Variants in LARP7 observed in about 807,000 individuals in gnomAD.
LARP7 encodes the protein La ribonucleoprotein 7, transcriptional regulator.
In LARP7, 52 loss-of-function variants were observed where a neutral mutation model predicts 69.3. The observed-to-expected ratio is 0.75, with a 90% CI of 0.60 to 0.95. The LOEUF is 0.95. Ranked by LOEUF, LARP7 falls within the 40% of genes least tolerant of loss-of-function variation. The pLI is 0.00. For missense variants in LARP7, 733 were observed against 673.0 expected (o/e 1.09, Z -0.99); for synonymous variants, 254 against 215.9 (o/e 1.18, Z -1.55).
At position 112,647,476 on chromosome 4, in the gene LARP7, C is replaced by T; in HGVS notation, c.924C>T (p.Pro308=). ...CTGAAGATGCAGAATCCCTAGCTCC[C>T]CGATCAAAAGTAAAGAAAATTATTC... ...SSSEDAESLA[P]RSKVKKIIQK... The change falls in exon 7 of 13, where the codon CCC becomes CCT. Residue 308 remains proline, a synonymous_variant. Coordinates refer to ENST00000344442, the MANE Select transcript of LARP7 (RefSeq NM_016648.4). The T allele has an allele frequency of 6.2e-7, 1 of 1,613,514 alleles. No individual in the cohort carries two copies. The highest frequency in any genetic ancestry group is 8.5e-7 in the Non-Finnish European group (1 of 1,179,778).
chr4:112,656,851 A>G (rs937733444), intron 12 of LARP7, among the ~76,000 whole-genome samples: 1 of 152,206 alleles, frequency 6.6e-6, no homozygotes, highest in African/African-American at 2.4e-5. Flanking sequence ...ATTAGAATCT[A>G]TATTTTTTAG....
chr4:112,638,757 CTG>C (rs770818357), intron 1 of LARP7, among the ~76,000 whole-genome samples: 29 of 152,346 alleles, frequency 1.9e-4, no homozygotes, highest in Non-Finnish European at 2.6e-4. Context: ...ACTCACCTGA[CTG>C]TGCATTTCTC....
intron 10 of LARP7, among the ~76,000 whole-genome samples, chr4:112,651,047 A>G (rs2048708423): frequency 6.6e-6 from 1 of 152,202 alleles, no homozygotes; most frequent in Admixed American, 6.5e-5. Flanking sequence ...TATCTTCTGT[A>G]GCCTTTTATA....
At position 112,647,563 on chromosome 4, in the gene LARP7, G is replaced by A. The variant is rs200443782; in HGVS notation, c.997+14G>A. 142 of 1,508,904 alleles carry A rather than the reference G, an allele frequency of 9.4e-5. No homozygotes were observed. In the African/African-American group the frequency reaches 1.6e-3, roughly 17 times the overall value. The allele number at this position is 1,508,904 out of a possible 1,614,324, so 93.5% of individuals were successfully genotyped here. Reference sequence around the variant, plus strand: ...AGGAAAATAGAGGTAAAACTACAAGGTTTTAATTAGATAAAACTAATTAAT... The same window carrying A: ...AGGAAAATAGAGGTAAAACTACAAGATTTTAATTAGATAAAACTAATTAAT... On this transcript the variant is annotated intron_variant, in intron 7 of 12. Coordinates refer to ENST00000344442, the MANE Select transcript of LARP7 (RefSeq NM_016648.4).
At position 112,657,378 on chromosome 4, in the gene LARP7, T is replaced by C. The variant is rs771608819; in HGVS notation, c.*51T>C. 2.2e-6 allele frequency: 2 copies of C among 909,866 alleles called. No homozygotes were observed. Among genetic ancestry groups the C allele is most frequent in the Admixed American group, 2.9e-5 (1 of 34,056 alleles). 56.4% of individuals were successfully genotyped at this position (909,866 alleles called of 1,614,324 possible). A position where few individuals can be genotyped will look rare whatever the true frequency, so the allele number is the denominator to read the frequency against. ...ACTTCACAAGATACTTGAGCTGTTC[T>C]TGGGAGATTCACTTTTATTATGGTA... is the stretch of plus-strand genomic sequence containing the variant. On this transcript the variant is annotated 3_prime_UTR_variant, in exon 13 of 13. Transcript: ENST00000344442.
chr4:112,646,492 T>A lies in LARP7; in HGVS notation c.303+41T>A, dbSNP rs536015391. ...AACTACTGTTTATATTTATAGTTTATAATTATAAAGAATGTTAACGTAATG... is the reference window on the plus strand; with the variant it reads ...AACTACTGTTTATATTTATAGTTTAAAATTATAAAGAATGTTAACGTAATG... On this transcript the variant is annotated intron_variant, in intron 3 of 12. Transcript: ENST00000344442. The A allele has an allele frequency of 8.3e-6, 11 of 1,326,614 alleles. No individual in the cohort carries two copies. The African/African-American group carries it at 1.5e-4, about 18-fold the overall frequency. The allele number at this position is 1,326,614 out of a possible 1,614,324, so 82.2% of individuals were successfully genotyped here. A position where few individuals can be genotyped will look rare whatever the true frequency, so the allele number is the denominator to read the frequency against.
intron 1 of LARP7, chr4:112,637,574 C>T (rs945018298): frequency 6.6e-6 from 1 of 152,258 alleles, no homozygotes; most frequent in African/African-American, 2.4e-5. Context: ...CAGATTGGAG[C>T]TGAGCTGTGG....
Position 112,644,737 on chromosome 4 carries a change from T to C in LARP7, c.68T>C (p.Val23Ala), listed in dbSNP as rs781656152. The change falls in exon 2 of 13, where the codon GTT becomes GCT. Residue 23 changes from valine to alanine, a missense_variant. Coordinates refer to ENST00000344442, the MANE Select transcript of LARP7 (RefSeq NM_016648.4). ...GAAAGCACTGAAAAGAAAAAAGAAG[T>C]TGAAAAAAAGAAACGGTCACGAGTT... ...EEESTEKKKE[V>A]EKKKRSRVKQ... is the part of the protein sequence containing the mutation. The C allele has an allele frequency of 6.2e-7, 1 of 1,610,216 alleles. No homozygotes were observed. Among genetic ancestry groups the C allele is most frequent in the Admixed American group, 1.7e-5 (1 of 59,872 alleles).
At chr4:112,644,207 A>G (rs910723715) in intron 1 of LARP7, 2 of 178,018 alleles carry the variant, frequency 1.1e-5, no homozygotes, top group Admixed American at 7.2e-5. Context: ...ACGCCACTGC[A>G]CTCCAGCCTG....
At chr4:112,648,916 C>T (rs1578617655) in intron 8 of LARP7, among the ~76,000 whole-genome samples, 1 of 140,346 alleles carries the variant, frequency 7.1e-6, no homozygotes, top group African/African-American at 2.6e-5. Context: ...CACAAGATAT[C>T]TTCCTCTTAA....
At chr4:112,651,003 A>G (rs756664933) in intron 10 of LARP7, among the ~76,000 whole-genome samples, 1 of 152,202 alleles carries the variant, frequency 6.6e-6, no homozygotes, top group Non-Finnish European at 1.5e-5. Flanking sequence ...ATTGCTGTAC[A>G]TACAGGTTTA....
chr4:112,653,173 G>A lies in LARP7; in HGVS notation c.1513G>A (p.Ala505Thr), dbSNP rs763343337. The A allele has an allele frequency of 6.2e-7, 1 of 1,610,004 alleles. No individual in the cohort carries two copies. Among genetic ancestry groups the A allele is most frequent in the South Asian group, 1.1e-5 (1 of 90,280 alleles). ...ARFKTPEDAQ[A>T]VINAYTEINK... ...ATTTAAAACTCCTGAGGATGCTCAAGCAGTAATAAATGCCTATACAGAAAT... is the reference window on the plus strand; with the variant it reads ...ATTTAAAACTCCTGAGGATGCTCAAACAGTAATAAATGCCTATACAGAAAT... The change falls in exon 11 of 13, where the codon GCA becomes ACA. Residue 505 changes from alanine (A) to threonine (T), a missense_variant. Transcript: ENST00000344442.
intron 11 of LARP7, 129 bp downstream of exon 11, chr4:112,653,365 A>G: frequency 1.6e-6 from 1 of 626,684 alleles, no homozygotes; most frequent in Non-Finnish European, 2.5e-6. Flanking sequence ...GCTGGAGTAC[A>G]GTGGTGTGAT....
chr4:112,653,651 A>C (rs2048847120), intron 11 of LARP7, among the ~76,000 whole-genome samples: 1 of 151,716 alleles, frequency 6.6e-6, no homozygotes, highest in Non-Finnish European at 1.5e-5. Context: ...ATGCCCCGCT[A>C]TTTTGCATTT....
rs751853952 is a variant in LARP7, at chr4:112,657,372, C to T, written c.*45C>T. 1.6e-5 allele frequency: 16 copies of T among 1,030,460 alleles called. No individual in the cohort carries two copies. Among genetic ancestry groups the T allele is most frequent in the Non-Finnish European group, 2.1e-5 (15 of 706,266 alleles). The allele number at this position is 1,030,460 out of a possible 1,614,324, so 63.8% of individuals were successfully genotyped here. ...CTTAATACTTCACAAGATACTTGAG[C>T]TGTTCTTGGGAGATTCACTTTTATT... On this transcript the variant is annotated 3_prime_UTR_variant, in exon 13 of 13. Transcript: ENST00000344442.
At chr4:112,645,679 C>T (rs768133524) in intron 2 of LARP7, 24 of 446,676 alleles carry the variant, frequency 5.4e-5, no homozygotes, top group African/African-American at 1.4e-4. Context: ...ATCACCAGGC[C>T]GGCTTTTTTT....
In LARP7 at chr4:112,647,276, G is replaced by A; in HGVS notation, c.724G>A (p.Asp242Asn). The change falls in exon 7 of 13, where the codon GAC (aspartate) becomes AAC (asparagine). Residue 242 changes from aspartate (D) to asparagine (N), a missense_variant. Asp to Asn is a conservative substitution (Grantham distance 23, BLOSUM62 1). Transcript: ENST00000344442. The stretch of plus-strand genomic sequence containing the variant: ...TATCCAAGCCAAAGAAGAAAACATG[G>A]ACACAAGCAACACCAGCATCAGTAA... ...DNIQAKEENM[D>N]TSNTSISKMK... is the part of the protein sequence containing the mutation. The A allele has an allele frequency of 6.2e-7, 1 of 1,613,404 alleles. No homozygotes were observed. The highest frequency in any genetic ancestry group is 8.5e-7 in the Non-Finnish European group (1 of 1,179,920).
At chr4:112,657,200 GT>G in intron 12 of LARP7, 46 bp from the exon 13 acceptor site, 3 of 890,310 alleles carry the variant, frequency 3.4e-6, no homozygotes, top group Non-Finnish European at 5.2e-6. Context: ...GTGTGTGTGT[GT>G]TTTGAGTATC....
chr4:112,657,036 T>G (rs1448272400), intron 12 of LARP7, among the ~76,000 whole-genome samples: 1 of 152,148 alleles, frequency 6.6e-6, no homozygotes, highest in Non-Finnish European at 1.5e-5. Flanking sequence ...TAGGAAATAG[T>G]AAATAGCCTT....
Sources: allele counts gnomAD v4.1 joint callset (sites outside exome capture counted in the v4.1 genomes callset), GRCh38; gene constraint gnomAD v4.1.1; transcripts MANE v1.5; gene names NCBI Gene and HGNC (gene_info 2026-07-23, HGNC 2026-07-21).